Variants in PDS5A observed in about 807,000 individuals in gnomAD.
PDS5A encodes the protein sister chromatid cohesion protein PDS5 homolog A.
In PDS5A, 42 loss-of-function variants were observed where a neutral mutation model predicts 167.1. The ratio of observed to expected loss-of-function variants is 0.25; its 90% CI spans 0.20 to 0.33. The LOEUF is 0.33. Among genes scored for constraint, PDS5A ranks in the 10% least tolerant of loss-of-function variants. PDS5A has a pLI of 1.00. For synonymous variants in PDS5A, 553 were observed against 554.6 expected, an observed-to-expected ratio of 1.00 and a Z score of 0.04; for missense variants, 1,033 against 1,605.9, an observed-to-expected ratio of 0.64 and a Z score of 6.10.
intron 28 of PDS5A, chr4:39,848,336 A>G (rs1208636178): frequency 1.3e-5 from 2 of 152,840 alleles, no homozygotes; most frequent in East Asian, 1.9e-4. Context: ...ATTTACTTAC[A>G]TGGGAAACAG....
chr4:39,913,819 T>C, intron 8 of PDS5A, 93 bp from the exon 9 acceptor site: 1 of 751,064 alleles, frequency 1.3e-6, no homozygotes, highest in South Asian at 1.5e-5. Context: ...CTATTTCATA[T>C]TTCTGCTTAT....
chr4:39,935,344 C>T lies in PDS5A; in HGVS notation c.139-7180G>A, dbSNP rs150985771. On this transcript the variant is annotated intron_variant, in intron 2 of 32. Coordinates refer to ENST00000303538, the MANE Select transcript of PDS5A (RefSeq NM_001100399.2). ...AACTCCTGGCCTCAAGTGATCTACC[C>T]GCCTTGGCCTCCCAAAGCGCTGGGA... 6.3e-3 allele frequency among the ~76,000 whole-genome samples: 959 copies of T among 152,316 alleles called. 9 individuals are homozygous for T. The highest frequency in any genetic ancestry group is 9.7e-3 in the Non-Finnish European group (658 of 68,026).
intron 16 of PDS5A, among the ~76,000 whole-genome samples, chr4:39,892,151 G>GTA (rs532144967): frequency 1.9e-4 from 28 of 150,770 alleles, no homozygotes; most frequent in Admixed American, 6.0e-4. Flanking sequence ...CAAAGATTAT[G>GTA]GTATTAGGCC....
intron 2 of PDS5A, among the ~76,000 whole-genome samples, chr4:39,961,494 C>G (rs1262945314): frequency 6.6e-6 from 1 of 152,034 alleles, no homozygotes; most frequent in African/African-American, 2.4e-5. Flanking sequence ...CACCTGACCT[C>G]TGGTGGTCAG....
At chr4:39,882,115 G>A (rs1478759226) in intron 17 of PDS5A, among the ~76,000 whole-genome samples, 2 of 152,110 alleles carry the variant, frequency 1.3e-5, no homozygotes, top group African/African-American at 4.8e-5. Context: ...GGGTGACAGA[G>A]CCAGACTCTG....
intron 2 of PDS5A, among the ~76,000 whole-genome samples, chr4:39,958,012 T>C (rs914821753): frequency 9.9e-5 from 15 of 151,668 alleles, no homozygotes; most frequent in African/African-American, 3.4e-4. Flanking sequence ...CAACTCAGCC[T>C]CCTGAGTAGC....
chr4:39,943,016 G>A (rs1727365404), intron 2 of PDS5A, among the ~76,000 whole-genome samples: 1 of 151,822 alleles, frequency 6.6e-6, no homozygotes, highest in South Asian at 2.1e-4. Context: ...TTTTCTGAAG[G>A]AATGAAATGC....
intron 26 of PDS5A, among the ~76,000 whole-genome samples, chr4:39,858,543 C>G (rs1718722921): frequency 6.6e-6 from 1 of 152,172 alleles, no homozygotes; most frequent in Non-Finnish European, 1.5e-5. Context: ...TACCTTATAC[C>G]ACATGCAACA....
chr4:39,912,665 C>T (rs1362188054), intron 9 of PDS5A, among the ~76,000 whole-genome samples: 2 of 152,150 alleles, frequency 1.3e-5, no homozygotes, highest in Admixed American at 6.5e-5. Context: ...CGGAGAATCT[C>T]GAACATCTCC....
Position 39,877,317 on chromosome 4 carries a change from A to AAACAGACATT in PDS5A, c.1993-165_1993-164insAATGTCTGTT, listed in dbSNP as rs11282666. Among the ~76,000 whole-genome samples, 562 of 152,224 alleles carry AAACAGACATT rather than the reference A, an allele frequency of 3.7e-3. 2 individuals carry two copies. Among genetic ancestry groups the AAACAGACATT allele is most frequent in the Non-Finnish European group, 6.5e-3 (445 of 68,006 alleles). On this transcript the variant is annotated intron_variant, in intron 18 of 32. Transcript: ENST00000303538. ...GCCGTCCTTGCAGTTAGTTATGGCTAATCAGAAATACTGTATGGTGTGGTA... is the reference window on the plus strand; with the variant it reads ...GCCGTCCTTGCAGTTAGTTATGGCTAAACAGACATTATCAGAAATACTGTATGGTGTGGTA...
intron 2 of PDS5A, among the ~76,000 whole-genome samples, chr4:39,940,323 G>A (rs955604901): frequency 5.9e-5 from 9 of 152,150 alleles, no homozygotes; most frequent in African/African-American, 2.2e-4. Context: ...TGGTAATGGA[G>A]GAATTACGAA....
chr4:39,920,132 A>T (rs895617495), intron 7 of PDS5A, among the ~76,000 whole-genome samples, 187 bp downstream of exon 7: 1 of 152,182 alleles, frequency 6.6e-6, no homozygotes, highest in African/African-American at 2.4e-5. Flanking sequence ...GACTTTTCTT[A>T]TAGTAATATC....
chr4:39,862,549 G>A (rs902199542), intron 25 of PDS5A, among the ~76,000 whole-genome samples: 3 of 152,040 alleles, frequency 2.0e-5, no homozygotes, highest in African/African-American at 7.2e-5. Flanking sequence ...GAAGTCAAAG[G>A]TATCAGATAT....
chr4:39,829,351 A>T (rs1482069414), intron 32 of PDS5A, among the ~76,000 whole-genome samples: 2 of 152,154 alleles, frequency 1.3e-5, no homozygotes, highest in African/African-American at 4.8e-5. Context: ...ACTGAAGGGC[A>T]GTCAAAACAT....
intron 32 of PDS5A, among the ~76,000 whole-genome samples, chr4:39,826,068 G>T (rs1358893508): frequency 6.6e-6 from 1 of 151,968 alleles, no homozygotes; most frequent in South Asian, 2.1e-4. Context: ...AACATTAAAA[G>T]CTATTTATCA....
intron 2 of PDS5A, among the ~76,000 whole-genome samples, chr4:39,940,188 C>T (rs1323753052): frequency 1.3e-5 from 2 of 151,782 alleles, no homozygotes; most frequent in East Asian, 1.9e-4. Flanking sequence ...CACTGCACTC[C>T]AGCCTGGATG....
chr4:39,889,056 T>C (rs1721743085), intron 17 of PDS5A, among the ~76,000 whole-genome samples: 2 of 152,338 alleles, frequency 1.3e-5, no homozygotes, highest in East Asian at 1.9e-4. Context: ...CAAATTCATA[T>C]GAATTCTAAT....
At chr4:39,843,767 TTC>T (rs997019073) in intron 30 of PDS5A, among the ~76,000 whole-genome samples, 7 of 152,132 alleles carry the variant, frequency 4.6e-5, no homozygotes, top group African/African-American at 1.4e-4. Flanking sequence ...TTATATTATT[TTC>T]TGTTAATTTT....
chr4:39,845,912 A>G, intron 28 of PDS5A, 32 bp from the exon 29 acceptor site: 1 of 1,313,586 alleles, frequency 7.6e-7, no homozygotes, highest in South Asian at 1.9e-5. Context: ...AAGAAAAAAG[A>G]AACACCAATC....
Sources: allele counts gnomAD v4.1 joint callset (sites outside exome capture counted in the v4.1 genomes callset), GRCh38; gene constraint gnomAD v4.1.1; transcripts MANE v1.5; gene names NCBI Gene and HGNC (gene_info 2026-07-23, HGNC 2026-07-21).